NFE2L3: variants seen among roughly 807,000 people sequenced by gnomAD.
NFE2L3 encodes the protein NFE2 like bZIP transcription factor 3.
NFE2L3 carries 18 observed loss-of-function variants against 23.5 expected under a neutral mutation model. The ratio of observed to expected loss-of-function variants is 0.77; its 90% CI spans 0.53 to 1.13. NFE2L3 has a LOEUF of 1.13. Among genes scored for constraint, NFE2L3 ranks in the 50% most tolerant of loss-of-function variants. NFE2L3 has a pLI of 0.00. For synonymous variants in NFE2L3, 424 were observed against 354.5 expected (o/e 1.20, Z -2.20); for missense variants, 1,152 against 877.2 (o/e 1.31, Z -3.96).
chr7:26,184,816 G>A lies in NFE2L3; in HGVS notation c.1118G>A (p.Arg373Lys). Reference protein sequence around the residue: ...GFLSPVDNHMRNLTSQDLLYD... With the variant: ...GFLSPVDNHMKNLTSQDLLYD... ...CTTTCACCGGTTGACAATCATATGA[G>A]GAATCTAACAAGCCAAGACCTACTG... The change falls in exon 4 of 4, where the codon AGG (arginine) becomes AAG (lysine). Residue 373 changes from arginine (R) to lysine (K), a missense_variant. Coordinates refer to ENST00000056233, the MANE Select transcript of NFE2L3 (RefSeq NM_004289.7). 1.9e-6 allele frequency: 3 copies of A among 1,613,842 alleles called. No individual in the cohort carries two copies. The highest frequency in any genetic ancestry group is 2.5e-6 in the Non-Finnish European group (3 of 1,179,796).
chr7:26,169,469 C>CTG (rs1784302708), intron 1 of NFE2L3, among the ~76,000 whole-genome samples: 1 of 152,290 alleles, frequency 6.6e-6, no homozygotes, highest in Admixed American at 6.5e-5. Flanking sequence ...TGTGGGCACA[C>CTG]TGGGATGGGT....
chr7:26,184,849 T>C lies in NFE2L3; in HGVS notation c.1151T>C (p.Leu384Pro). The stretch of plus-strand genomic sequence containing the variant: ...ACAAGCCAAGACCTACTGTATGACC[T>C]TGACATAAATATATTTGATGAGATA... Reference protein sequence around the residue: ...NLTSQDLLYDLDINIFDEINL... With the variant: ...NLTSQDLLYDPDINIFDEINL... The change falls in exon 4 of 4, where the codon CTT becomes CCT. Residue 384 changes from leucine (L) to proline (P), a missense_variant. Leu to Pro is a moderately conservative substitution (Grantham distance 98). Transcript: ENST00000056233. 2 of 1,613,968 alleles carry C rather than the reference T, an allele frequency of 1.2e-6. No individual in the cohort carries two copies. Among genetic ancestry groups the C allele is most frequent in the East Asian group, 4.5e-5 (2 of 44,880 alleles).
Position 26,184,997 on chromosome 7 carries a change from C to G in NFE2L3, c.1299C>G (p.Ile433Met), listed in dbSNP as rs776458971. The G allele has an allele frequency of 6.2e-7, 1 of 1,613,692 alleles. No homozygotes were observed. Among genetic ancestry groups the G allele is most frequent in the South Asian group, 1.1e-5 (1 of 91,062 alleles). The change falls in exon 4 of 4, where the codon ATC becomes ATG. Residue 433 changes from isoleucine to methionine, a missense_variant. Coordinates refer to ENST00000056233, the MANE Select transcript of NFE2L3 (RefSeq NM_004289.7). ...CAAGTCACAATAATACCTCTGTCAT[C>G]AAGTCTAATTCCTCTCACTCTGTGT... ...LDSSHNNTSVIKSNSSHSVCD... is the reference protein window; with the variant it reads ...LDSSHNNTSVMKSNSSHSVCD...
rs1292779131 is a variant in NFE2L3, at chr7:26,187,011, A to ATTAT, written c.*1231_*1234dup. On this transcript the variant is annotated 3_prime_UTR_variant, in exon 4 of 4. Coordinates refer to ENST00000056233, the MANE Select transcript of NFE2L3 (RefSeq NM_004289.7). ...ATTTTCAAAATGAAGTTTCTCAGAT[A>ATTAT]TTATTTCTGCCATAGGAGCTACAGT... 1 of 149,826 alleles carries ATTAT rather than the reference A, an allele frequency of 6.7e-6. No homozygotes were observed. Among genetic ancestry groups the ATTAT allele is most frequent in the African/African-American group, 2.6e-5 (1 of 39,174 alleles). 9.3% of individuals were successfully genotyped at this position (149,826 alleles called of 1,614,324 possible). A position where few individuals can be genotyped will look rare whatever the true frequency, so the allele number is the denominator to read the frequency against.
chr7:26,184,014 C>T (rs1274840291), intron 3 of NFE2L3: 1 of 501,682 alleles, frequency 2.0e-6, no homozygotes, highest in African/African-American at 2.0e-5. Flanking sequence ...GGAGATTTCT[C>T]AAAAAACTAA....
Position 26,152,771 on chromosome 7 carries a change from G to A in NFE2L3, c.273G>A (p.Leu91=). The A allele has an allele frequency of 6.7e-7, 1 of 1,483,070 alleles. No individual in the cohort carries two copies. The highest frequency in any genetic ancestry group is 8.9e-7 in the Non-Finnish European group (1 of 1,124,418). The allele number at this position is 1,483,070 out of a possible 1,614,324, so 91.9% of individuals were successfully genotyped here. The change falls in exon 1 of 4, where the codon CTG becomes CTA. Residue 91 remains leucine, a synonymous_variant. Coordinates refer to ENST00000056233, the MANE Select transcript of NFE2L3 (RefSeq NM_004289.7). The surrounding 1 kb of genome is among the most constrained non-coding windows in gnomAD (Gnocchi z 4.4). ...CTGCCGCGCCGCCCGAGGGCCAGCT[G>A]CTCCGGGAGGTGCGCGCGCTCGGGG... The part of the protein sequence containing the change: ...LDPAAPPEGQ[L]LREVRALGVP...
In NFE2L3 at chr7:26,183,785, G is replaced by T. The variant is rs1253493999; in HGVS notation, c.834+1G>T. 14 of 1,607,216 alleles carry T rather than the reference G, an allele frequency of 8.7e-6. No individual in the cohort carries two copies. In the Admixed American group the frequency reaches 1.5e-4, roughly 17 times the overall value. ...ATCACAGCCTGAAAATTCACTGGAG[G>T]TAATTGGAACTTTGGCTTTTATCCT... On this transcript the variant is annotated splice_donor_variant, in intron 3 of 3. Transcript: ENST00000056233. LOFTEE classifies it high-confidence loss of function.
rs750616384 is a variant in NFE2L3, at chr7:26,185,773, A to G, written c.2075A>G (p.Lys692Arg). Residue 692 changes from lysine (K) to arginine (R), a missense_variant, in exon 4 of 4, where the codon AAG becomes AGG. Coordinates refer to ENST00000056233, the MANE Select transcript of NFE2L3 (RefSeq NM_004289.7). The part of the protein sequence containing the change: ...SGHKKETQKG[K>R]RK Reference sequence around the variant, plus strand: ...CACAAAAAGGAAACCCAAAAGGGAAAGAGAAAGTGAGAAGAAACTGAAGAT... The same window carrying G: ...CACAAAAAGGAAACCCAAAAGGGAAGGAGAAAGTGAGAAGAAACTGAAGAT... The G allele has an allele frequency of 1.6e-5, 26 of 1,578,750 alleles. No homozygotes were observed. Among genetic ancestry groups the G allele is most frequent in the Non-Finnish European group, 2.0e-5 (24 of 1,170,742 alleles).
At chr7:26,162,035 T>A (rs879763218) in intron 1 of NFE2L3, among the ~76,000 whole-genome samples, 2 of 150,958 alleles carry the variant, frequency 1.3e-5, no homozygotes, top group Non-Finnish European at 2.9e-5. Flanking sequence ...CCCAGCTACT[T>A]GGGAGGCTGA....
chr7:26,173,104 TATG>T (rs1178794735), intron 1 of NFE2L3, among the ~76,000 whole-genome samples: 1 of 152,210 alleles, frequency 6.6e-6, no homozygotes, highest in East Asian at 1.9e-4. Context: ...TTCAATGAGT[TATG>T]ATCCATTATT....
chr7:26,162,319 C>T (rs1784184920), intron 1 of NFE2L3, among the ~76,000 whole-genome samples: 1 of 151,884 alleles, frequency 6.6e-6, no homozygotes, highest in African/African-American at 2.4e-5. Context: ...GTGTATAAAT[C>T]CTGCCTAAAA....
chr7:26,156,222 T>G (rs966952872), intron 1 of NFE2L3, among the ~76,000 whole-genome samples: 2 of 152,220 alleles, frequency 1.3e-5, no homozygotes, highest in Non-Finnish European at 1.5e-5. Flanking sequence ...ATTAAAAAGT[T>G]CATTCCATGT....
intron 1 of NFE2L3, among the ~76,000 whole-genome samples, chr7:26,166,924 C>T (rs1784259729): frequency 6.6e-6 from 1 of 152,176 alleles, no homozygotes; most frequent in African/African-American, 2.4e-5. Flanking sequence ...CCCTCCTCCT[C>T]CAGATGAATA....
chr7:26,169,052 A>G (rs1400723397), intron 1 of NFE2L3, among the ~76,000 whole-genome samples: 1 of 152,218 alleles, frequency 6.6e-6, no homozygotes, highest in East Asian at 1.9e-4. Context: ...CAGACTGCAC[A>G]TTATATTACA....
rs766936923 is a variant in NFE2L3, at chr7:26,185,552, A to G, written c.1854A>G (p.Glu618=). ...TATGTAACTTGCAAGCAAAGAAGGA[A>G]ACTCTTAAGAGAGAGCAAGCACAAT... ...DDVCNLQAKK[E]TLKREQAQCN... The change falls in exon 4 of 4, where the codon GAA becomes GAG. Residue 618 remains glutamate (E), a synonymous_variant. Transcript: ENST00000056233. The G allele has an allele frequency of 1.1e-5, 18 of 1,613,898 alleles. No individual in the cohort carries two copies. The highest frequency in any genetic ancestry group is 1.5e-5 in the Non-Finnish European group (18 of 1,179,820).
chr7:26,184,437 G>A (rs1329215858), intron 3 of NFE2L3, 96 bp from the exon 4 acceptor site: 4 of 1,092,996 alleles, frequency 3.7e-6, no homozygotes, highest in Admixed American at 2.2e-5. Flanking sequence ...AAATGTAGAG[G>A]AATTGACAAA....
intron 1 of NFE2L3, among the ~76,000 whole-genome samples, chr7:26,159,878 G>A (rs1033401539): frequency 6.6e-6 from 1 of 151,418 alleles, no homozygotes; most frequent in Non-Finnish European, 1.5e-5. Flanking sequence ...AAACTTCAAA[G>A]GTAAAAACAA....
chr7:26,153,154 ACT>A (rs1784026507), intron 1 of NFE2L3, 86 bp downstream of exon 1: 5 of 1,313,322 alleles, frequency 3.8e-6, no homozygotes, highest in South Asian at 3.1e-5. Context: ...AGCAGGGGCC[ACT>A]CTCGCTGTGT....
intron 1 of NFE2L3, among the ~76,000 whole-genome samples, chr7:26,156,801 GATT>G (rs1784089011): frequency 6.6e-6 from 1 of 152,176 alleles, no homozygotes; most frequent in Non-Finnish European, 1.5e-5. Context: ...AAGACCTCTT[GATT>G]AACTGCCTGA....
Sources: gnomAD v4.1 joint callset for allele counts (sites outside exome capture counted in the v4.1 genomes callset) on GRCh38, gnomAD v4.1.1 for gene constraint, Gnocchi (gnomAD v3.1) non-coding constraint, MANE v1.5 for transcripts, NCBI Gene and HGNC (gene_info 2026-07-23, HGNC 2026-07-21) for gene names.